The following KLHL8 variants were observed in gnomAD, a reference collection of about 807,000 sequenced individuals.
KLHL8 encodes the protein kelch-like protein 8.
A neutral mutation model predicts 63.5 loss-of-function variants in KLHL8; 38 were observed. The ratio of observed to expected loss-of-function variants is 0.60; its 90% CI spans 0.46 to 0.78. KLHL8 has a LOEUF of 0.78. KLHL8 is among the 30% of genes least tolerant of loss of function. The probability of loss-of-function intolerance (pLI) is 0.00; values close to 1 mark genes in which losing one functional copy is unlikely to be tolerated. For missense variants in KLHL8, 566 were observed against 752.4 expected (o/e 0.75, Z 2.90); for synonymous variants, 224 against 254.3 (o/e 0.88, Z 1.13).
intron 5 of KLHL8, 24 bp from the exon 6 acceptor site, chr4:87,176,892 A>C (rs374621042): frequency 8.3e-7 from 1 of 1,209,794 alleles, no homozygotes; most frequent in Non-Finnish European, 1.2e-6. Context: ...AAGTATTTTC[A>C]TTTGACTCCA....
chr4:87,221,702 A>G (rs1487199615), upstream of KLHL8, among the ~76,000 whole-genome samples: 1 of 152,070 alleles, frequency 6.6e-6, no homozygotes, highest in Admixed American at 6.6e-5. Context: ...GTATATATAT[A>G]TGCATCTTCT....
At chr4:87,210,155 GC>G (rs1327755870) in intron 1 of KLHL8, among the ~76,000 whole-genome samples, 1 of 149,344 alleles carries the variant, frequency 6.7e-6, no homozygotes, top group Non-Finnish European at 1.5e-5. Flanking sequence ...ACTACGCCCA[GC>G]CCCAAATGGC....
At chr4:87,238,529 T>G (rs1733273980) in intron 1 of KLHL8, among the ~76,000 whole-genome samples, 1 of 152,050 alleles carries the variant, frequency 6.6e-6, no homozygotes, top group Non-Finnish European at 1.5e-5. Flanking sequence ...CACAAAAAAG[T>G]TCTATATCTG....
At chr4:87,229,734 CTT>C (rs553249061) in intron 1 of KLHL8, among the ~76,000 whole-genome samples, 10 of 142,134 alleles carry the variant, frequency 7.0e-5, no homozygotes, top group Admixed American at 7.1e-5. Context: ...ACCTGGCCTA[CTT>C]TTTTTTTTTT....
intron 1 of KLHL8, among the ~76,000 whole-genome samples, chr4:87,227,164 A>G (rs1279376960): frequency 6.6e-6 from 1 of 150,998 alleles, no homozygotes; most frequent in Non-Finnish European, 1.5e-5. Flanking sequence ...TCTTCTTTAG[A>G]AGGAGAACTC....
chr4:87,235,267 AT>A (rs1211421410), intron 1 of KLHL8, among the ~76,000 whole-genome samples: 1 of 152,076 alleles, frequency 6.6e-6, no homozygotes, highest in African/African-American at 2.4e-5. Flanking sequence ...TACAAGTATC[AT>A]TTTTTATCTT....
At chr4:87,221,392 T>TAAAAAAAAAAAAAAAAA (rs71660123), upstream of KLHL8, 1 of 87,040 alleles carries the variant, frequency 1.1e-5, no homozygotes. Flanking sequence ...AGACTCCGTC[T>TAAAAAAAAAAAAAAAAA]AAAAAAAAAA....
At chr4:87,236,354 G>T (rs1036934593) in intron 1 of KLHL8, among the ~76,000 whole-genome samples, 4 of 151,856 alleles carry the variant, frequency 2.6e-5, no homozygotes, top group African/African-American at 9.7e-5. Context: ...GACTACAGGG[G>T]CGCACCACCA....
chr4:87,226,886 A>ATT (rs1288677605), intron 1 of KLHL8, among the ~76,000 whole-genome samples: 1 of 32,982 alleles, frequency 3.0e-5, no homozygotes, highest in Non-Finnish European at 5.0e-5. Flanking sequence ...AATAATATAT[A>ATT]TTATATATAA....
intron 1 of KLHL8, chr4:87,207,883 G>C: frequency 6.5e-7 from 1 of 1,530,582 alleles, no homozygotes; most frequent in South Asian, 1.1e-5. Context: ...GCAGACATCG[G>C]AGGGCCCCCT....
chr4:87,190,170 T>C (rs1308347344), intron 2 of KLHL8, among the ~76,000 whole-genome samples: 1 of 152,168 alleles, frequency 6.6e-6, no homozygotes. Context: ...ACATTCATCA[T>C]TAGCAACTTA....
chr4:87,193,291 A>G (rs767811456), intron 2 of KLHL8, among the ~76,000 whole-genome samples: 15 of 152,164 alleles, frequency 9.9e-5, no homozygotes, highest in Non-Finnish European at 1.8e-4. Context: ...GTTAAAAACT[A>G]AGACACAAAC....
chr4:87,179,373 G>A (rs183738435), intron 4 of KLHL8, among the ~76,000 whole-genome samples: 2 of 152,144 alleles, frequency 1.3e-5, no homozygotes, highest in African/African-American at 4.8e-5. Flanking sequence ...TTTGCTTTCA[G>A]ATTGTCAACA....
chr4:87,206,718 G>A (rs762366153), intron 1 of KLHL8, among the ~76,000 whole-genome samples: 1 of 152,186 alleles, frequency 6.6e-6, no homozygotes, highest in African/African-American at 2.4e-5. Flanking sequence ...TATTCCTTGT[G>A]AGGGAATGAT....
intron 8 of KLHL8, among the ~76,000 whole-genome samples, chr4:87,165,355 T>A (rs1730357322): frequency 2.0e-5 from 3 of 152,116 alleles, no homozygotes; most frequent in Admixed American, 6.5e-5. Flanking sequence ...TTGGTTTTAA[T>A]TATTGCTCAT....
intron 1 of KLHL8, among the ~76,000 whole-genome samples, chr4:87,195,987 A>G (rs1731680958): frequency 6.6e-6 from 1 of 152,010 alleles, no homozygotes; most frequent in East Asian, 1.9e-4. Context: ...CTATTTTTTA[A>G]TTTTTATTTT....
intron 1 of KLHL8, chr4:87,219,567 G>C (rs1732738244): frequency 6.6e-6 from 1 of 152,202 alleles, no homozygotes; most frequent in South Asian, 2.1e-4. Context: ...AAAGTCACCC[G>C]ATTAAACACT....
intron 1 of KLHL8, among the ~76,000 whole-genome samples, chr4:87,239,779 C>G (rs146457062): frequency 3.4e-4 from 51 of 152,212 alleles, no homozygotes; most frequent in African/African-American, 1.1e-3. Flanking sequence ...TTTGTAAAAC[C>G]TCCTTGCCAG....
At chr4:87,202,989 G>A (rs1385089158) in intron 1 of KLHL8, among the ~76,000 whole-genome samples, 2 of 152,038 alleles carry the variant, frequency 1.3e-5, no homozygotes, top group Non-Finnish European at 2.9e-5. Flanking sequence ...GTTTATGCAA[G>A]GCTGCTTCAA....
Sources: allele counts gnomAD v4.1 joint callset (sites outside exome capture counted in the v4.1 genomes callset), GRCh38; gene constraint gnomAD v4.1.1; transcripts MANE v1.5; gene names NCBI Gene and HGNC (gene_info 2026-07-23, HGNC 2026-07-21).